VAV2: variants seen among roughly 807,000 people sequenced by gnomAD.
VAV2 encodes the protein guanine nucleotide exchange factor VAV2.
A neutral mutation model predicts 132.5 loss-of-function variants in VAV2; 67 were observed. The observed-to-expected ratio is 0.51, with a 90% CI of 0.42 to 0.62. VAV2 has a LOEUF of 0.62. Among genes scored for constraint, VAV2 ranks in the 20% least tolerant of loss-of-function variants. The pLI, the probability that VAV2 is intolerant of heterozygous loss-of-function variation, is 0.00. For synonymous variants in VAV2, 492 were observed against 443.5 expected (o/e 1.11, Z -1.37); for missense variants, 938 against 1,153.6 (o/e 0.81, Z 2.71).
At position 133,991,116 on chromosome 9, in the gene VAV2, T is replaced by C. The variant is rs555452838; in HGVS notation, c.204+959A>G. Among the ~76,000 whole-genome samples the C allele has an allele frequency of 5.9e-4, 90 of 152,082 alleles. 1 individual carries two copies. In the South Asian group the frequency reaches 9.0e-3, roughly 15 times the overall value. ...CACATGGAGTTGCCACTGCGCGCGG[T>C]GAGGGGCTGCTGAGCTGGCTGGAAG... On this transcript the variant is annotated intron_variant, in intron 1 of 29. Coordinates refer to ENST00000371850, the MANE Select transcript of VAV2 (RefSeq NM_001134398.2). This position sits in a 1 kb window ranked among gnomAD's most constrained non-coding sequence, Gnocchi z 4.8.
At chr9:133,882,925 A>G (rs1477613763) in intron 2 of VAV2, among the ~76,000 whole-genome samples, 1 of 152,106 alleles carries the variant, frequency 6.6e-6, no homozygotes, top group East Asian at 1.9e-4. Context: ...TGCCATGCCA[A>G]GAAGTCAGGG....
In VAV2 at chr9:133,768,379, G is replaced by C; in HGVS notation, c.2589+63C>G. 1 of 1,577,588 alleles carries C rather than the reference G, an allele frequency of 6.3e-7. No individual in the cohort carries two copies. Among genetic ancestry groups the C allele is most frequent in the Non-Finnish European group, 8.6e-7 (1 of 1,165,866 alleles). On this transcript the variant is annotated intron_variant, in intron 29 of 29. Transcript: ENST00000371850. The surrounding 1 kb of genome is among the most constrained non-coding windows in gnomAD (Gnocchi z 5.3). Reference sequence around the variant, plus strand: ...ACATAGGTGTGGTGCTAGTCTGCCTGAGCCCGACCAGGTAGGGGCTGCAGC... The same window carrying C: ...ACATAGGTGTGGTGCTAGTCTGCCTCAGCCCGACCAGGTAGGGGCTGCAGC...
chr9:133,818,365 CAAAAAAAAAA>C (rs34171114), intron 4 of VAV2, among the ~76,000 whole-genome samples: 8 of 99,668 alleles, frequency 8.0e-5, no homozygotes, highest in Non-Finnish European at 1.7e-4. Flanking sequence ...GACTCCATCT[CAAAAAAAAAA>C]AAAAAAAAAT....
intron 2 of VAV2, among the ~76,000 whole-genome samples, chr9:133,880,843 A>G (rs12001216): frequency 0.2 from 29,849 of 152,272 alleles, 3,489 homozygotes; most frequent in African/African-American, 0.33. Context: ...CCCCTTTGGC[A>G]GGTCAGGTGG....
chr9:133,851,583 C>A (rs544438160), intron 3 of VAV2, among the ~76,000 whole-genome samples: 16 of 152,300 alleles, frequency 1.1e-4, no homozygotes, highest in African/African-American at 3.9e-4. Context: ...GAGGTTGCAG[C>A]CTTAATGATT....
intron 2 of VAV2, among the ~76,000 whole-genome samples, chr9:133,901,058 C>T (rs1839422603): frequency 6.6e-6 from 1 of 152,148 alleles, no homozygotes; most frequent in South Asian, 2.1e-4. Flanking sequence ...CCTCAGCCTC[C>T]CAAAGTGCTG....
intron 1 of VAV2, among the ~76,000 whole-genome samples, chr9:133,952,234 C>T (rs923509666): frequency 1.3e-5 from 2 of 152,078 alleles, no homozygotes; most frequent in African/African-American, 4.8e-5. Flanking sequence ...CCCAAGGAGA[C>T]AGGTCTGCAT....
At chr9:133,869,525 A>T (rs553232455) in intron 2 of VAV2, among the ~76,000 whole-genome samples, 1 of 152,290 alleles carries the variant, frequency 6.6e-6, no homozygotes, top group South Asian at 2.1e-4. Context: ...TGGGAGGATC[A>T]CTTAAGCCCA....
chr9:133,856,385 G>C (rs1287240547), intron 3 of VAV2, among the ~76,000 whole-genome samples: 1 of 152,186 alleles, frequency 6.6e-6, no homozygotes, highest in Non-Finnish European at 1.5e-5. Flanking sequence ...CCAGTGAGGA[G>C]CCAGGGTTGA....
chr9:133,929,330 C>T (rs1387537731), intron 2 of VAV2, among the ~76,000 whole-genome samples: 4 of 151,976 alleles, frequency 2.6e-5, no homozygotes, highest in African/African-American at 9.7e-5. Context: ...TGGCAACAAC[C>T]GGGGAGCAGA....
intron 24 of VAV2, among the ~76,000 whole-genome samples, chr9:133,775,584 G>A (rs1033409005): frequency 3.3e-5 from 5 of 152,144 alleles, no homozygotes; most frequent in African/African-American, 1.2e-4. Flanking sequence ...AGAGGGCAAG[G>A]CAAGCTCTCT....
intron 1 of VAV2, among the ~76,000 whole-genome samples, chr9:133,985,774 C>T (rs1388888083): frequency 5.3e-5 from 8 of 152,108 alleles, no homozygotes; most frequent in Admixed American, 1.3e-4. Context: ...ATGATGAGGA[C>T]GAATCAAAAG....
chr9:133,986,354 C>T (rs1259820625), intron 1 of VAV2, among the ~76,000 whole-genome samples: 1 of 152,208 alleles, frequency 6.6e-6, no homozygotes, highest in Non-Finnish European at 1.5e-5. Context: ...AGGTCATGAA[C>T]ATCAAAGAAA....
At chr9:133,987,758 T>C (rs1476740215) in intron 1 of VAV2, among the ~76,000 whole-genome samples, 1 of 152,226 alleles carries the variant, frequency 6.6e-6, no homozygotes, top group Non-Finnish European at 1.5e-5. Flanking sequence ...CAACCGAAGC[T>C]GCTCCAGACA....
chr9:133,899,170 T>C (rs1418637437), intron 2 of VAV2, among the ~76,000 whole-genome samples: 2 of 151,790 alleles, frequency 1.3e-5, no homozygotes, highest in Non-Finnish European at 2.9e-5. Flanking sequence ...GTGGGTATCT[T>C]TAGTCTGCCT....
At chr9:133,914,443 A>G in intron 2 of VAV2, among the ~76,000 whole-genome samples, 1 of 150,046 alleles carries the variant, frequency 6.7e-6, no homozygotes, top group Admixed American at 6.7e-5. Context: ...AGCCAGAAGA[A>G]GGAACGAAGC....
Position 133,826,645 on chromosome 9 carries a change from C to T in VAV2, c.449+7627G>A, listed in dbSNP as rs908498986. On this transcript the variant is annotated intron_variant, in intron 4 of 29. Coordinates refer to ENST00000371850, the MANE Select transcript of VAV2 (RefSeq NM_001134398.2). This position sits in a 1 kb window ranked among gnomAD's most constrained non-coding sequence, Gnocchi z 4.2. Reference sequence around the variant, plus strand: ...AGGCTCCAGGTCCAACCACCCCTCCCCCAGCCACCTAGGATGAAGCGGTGG... The same window carrying T: ...AGGCTCCAGGTCCAACCACCCCTCCTCCAGCCACCTAGGATGAAGCGGTGG... Among the ~76,000 whole-genome samples, 1 of 152,202 alleles carries T rather than the reference C, an allele frequency of 6.6e-6. No homozygotes were observed. Among genetic ancestry groups the T allele is most frequent in the Non-Finnish European group, 1.5e-5 (1 of 68,012 alleles).
chr9:133,787,933 C>G (rs1834295189), intron 15 of VAV2, among the ~76,000 whole-genome samples: 1 of 152,248 alleles, frequency 6.6e-6, no homozygotes, highest in Non-Finnish European at 1.5e-5. Flanking sequence ...CAGCCCTCCT[C>G]CAAGCACCGC....
At chr9:133,930,768 G>A (rs1241727883) in intron 2 of VAV2, among the ~76,000 whole-genome samples, 2 of 152,206 alleles carry the variant, frequency 1.3e-5, no homozygotes, top group African/African-American at 4.8e-5. Context: ...TCCCGTGGAG[G>A]AGGGAGGGGC....
Sources: gnomAD v4.1 joint callset for allele counts (sites outside exome capture counted in the v4.1 genomes callset) on GRCh38, gnomAD v4.1.1 for gene constraint, Gnocchi (gnomAD v3.1) non-coding constraint, MANE v1.5 for transcripts, NCBI Gene and HGNC (gene_info 2026-07-23, HGNC 2026-07-21) for gene names.